Variants in C4BPA observed in about 807,000 individuals in gnomAD.
The protein encoded by C4BPA is complement component 4 binding protein alpha.
In C4BPA, 31 loss-of-function variants were observed where a neutral mutation model predicts 63.7. That is an observed-to-expected ratio of 0.49 (90% CI 0.37 to 0.66). The LOEUF is 0.66. C4BPA is among the 30% of genes least tolerant of loss of function. C4BPA has a pLI of 0.00. For synonymous variants in C4BPA, 259 were observed against 254.7 expected (o/e 1.02, Z -0.16); for missense variants, 572 against 723.3 (o/e 0.79, Z 2.40).
intron 1 of C4BPA, among the ~76,000 whole-genome samples, chr1:207,106,903 TG>T (rs1157205645): frequency 2.6e-5 from 4 of 152,176 alleles, no homozygotes; most frequent in African/African-American, 4.8e-5. Context: ...ACCTTGCAAA[TG>T]TTTTTTTTTA....
intron 9 of C4BPA, among the ~76,000 whole-genome samples, chr1:207,140,271 A>G (rs910012651): frequency 7.9e-5 from 12 of 152,164 alleles, no homozygotes; most frequent in African/African-American, 2.9e-4. Flanking sequence ...CCCATGTGGC[A>G]TAACTACCTG....
chr1:207,134,857 A>T (rs555565785), intron 9 of C4BPA, among the ~76,000 whole-genome samples: 9 of 152,302 alleles, frequency 5.9e-5, no homozygotes, highest in Non-Finnish European at 1.0e-4. Context: ...TCTTTGTATT[A>T]TTCTCTTTCT....
chr1:207,110,667 G>A lies in C4BPA; in HGVS notation c.-25-2334G>A, dbSNP rs186006806. Among the ~76,000 whole-genome samples, 18 of 152,198 alleles carry A rather than the reference G, an allele frequency of 1.2e-4. No individual in the cohort carries two copies. In the East Asian group the frequency reaches 2.9e-3, roughly 24 times the overall value. On this transcript the variant is annotated intron_variant, in intron 1 of 11. Transcript: ENST00000367070. ...GAAAAAGAAAAAGAAATCATTTTGA[G>A]TATTCAATGAGTATAAATATATCCT...
At chr1:207,134,279 C>A in intron 8 of C4BPA, 125 bp from the exon 9 acceptor site, 1 of 708,390 alleles carries the variant, frequency 1.4e-6, no homozygotes, top group Non-Finnish European at 2.4e-6. Context: ...TCTTGGGTCT[C>A]CCTTTCTGTT....
Position 207,114,155 on chromosome 1 carries a change from G to A in C4BPA, c.198G>A (p.Leu66=), listed in dbSNP as rs1240466902. The change falls in exon 3 of 12, where the codon TTG becomes TTA. Residue 66 remains leucine, a synonymous_variant. Transcript: ENST00000367070. ...LSFAAPMDIT[L]TETRFKTGTT... Reference sequence around the variant, plus strand: ...TTGCTGCCCCGATGGATATTACGTTGACTGAGACACGCTTCAAAACTGGAA... The same window carrying A: ...TTGCTGCCCCGATGGATATTACGTTAACTGAGACACGCTTCAAAACTGGAA... The A allele has an allele frequency of 1.9e-6, 3 of 1,613,586 alleles. No individual in the cohort carries two copies. The highest frequency in any genetic ancestry group is 2.5e-6 in the Non-Finnish European group (3 of 1,179,816).
intron 4 of C4BPA, among the ~76,000 whole-genome samples, chr1:207,120,106 T>G (rs538018815): frequency 6.6e-6 from 1 of 152,112 alleles, no homozygotes; most frequent in Non-Finnish European, 1.5e-5. Context: ...GCAGAAGCAA[T>G]CTAATTTTTC....
At chr1:207,133,798 A>G (rs1685218012) in intron 8 of C4BPA, among the ~76,000 whole-genome samples, 1 of 152,226 alleles carries the variant, frequency 6.6e-6, no homozygotes, top group Admixed American at 6.5e-5. Context: ...GCATCAAAAA[A>G]GAAAAATCCT....
intron 4 of C4BPA, among the ~76,000 whole-genome samples, chr1:207,122,656 C>T (rs2102339199): frequency 6.6e-6 from 1 of 152,296 alleles, no homozygotes; most frequent in Non-Finnish European, 1.5e-5. Context: ...TCACTGCAGC[C>T]TCAACTTCCT....
At chr1:207,132,420 C>T (rs748533064) in intron 8 of C4BPA, among the ~76,000 whole-genome samples, 28 of 152,170 alleles carry the variant, frequency 1.8e-4, no homozygotes, top group Non-Finnish European at 3.8e-4. Flanking sequence ...TCTATCAGAA[C>T]CTTGCCACTT....
chr1:207,113,778 T>C (rs1684720303), intron 2 of C4BPA, among the ~76,000 whole-genome samples: 1 of 152,172 alleles, frequency 6.6e-6, no homozygotes, highest in Non-Finnish European at 1.5e-5. Flanking sequence ...TCAGCAGATA[T>C]GGGGAGTCAG....
intron 1 of C4BPA, among the ~76,000 whole-genome samples, chr1:207,106,298 A>G (rs1171584355): frequency 6.6e-6 from 1 of 152,172 alleles, no homozygotes; most frequent in Admixed American, 6.5e-5. Context: ...TCTCTCTTCA[A>G]AACTGACAAA....
rs1236559982 is a variant in C4BPA, at chr1:207,143,407, T to C, written c.1445-411T>C. On this transcript the variant is annotated intron_variant, in intron 10 of 11. Coordinates refer to ENST00000367070, the MANE Select transcript of C4BPA (RefSeq NM_000715.4). ...GTAGATGATGGGTTGATGGGTGCAGTAAACCACCATGGCACATGCATACCT... is the reference window on the plus strand; with the variant it reads ...GTAGATGATGGGTTGATGGGTGCAGCAAACCACCATGGCACATGCATACCT... Among the ~76,000 whole-genome samples the C allele has an allele frequency of 3.3e-5, 5 of 152,082 alleles. 1 individual carries two copies. The highest frequency in any genetic ancestry group is 1.3e-4 in the Admixed American group (2 of 15,274).
At chr1:207,134,682 A>C in intron 9 of C4BPA, 90 bp downstream of exon 9, 1 of 854,848 alleles carries the variant, frequency 1.2e-6, no homozygotes, top group Non-Finnish European at 1.8e-6. Context: ...TTAGGTAAAA[A>C]AATTCATATA....
At chr1:207,141,738 C>T (rs1451547625) in intron 10 of C4BPA, among the ~76,000 whole-genome samples, 1 of 151,934 alleles carries the variant, frequency 6.6e-6, no homozygotes, top group Non-Finnish European at 1.5e-5. Context: ...TGTGAGGGGT[C>T]AGGGAGGGTG....
chr1:207,141,336 G>A, intron 10 of C4BPA, 60 bp downstream of exon 10: 1 of 1,339,470 alleles, frequency 7.5e-7, no homozygotes, highest in Non-Finnish European at 1.0e-6. Context: ...TGAGAGCACT[G>A]AGAGCTAAGT....
intron 4 of C4BPA, among the ~76,000 whole-genome samples, chr1:207,119,017 G>GGAATTCATTCCAGTTTAC (rs1251641887): frequency 8.7e-5 from 10 of 115,476 alleles, no homozygotes; most frequent in Admixed American, 2.8e-4. Context: ...GACATGAACT[G>GGAATTCATTCCAGTTTAC]AGTGCTTCAA....
chr1:207,139,006 A>G (rs938122806), intron 9 of C4BPA, among the ~76,000 whole-genome samples: 3 of 152,180 alleles, frequency 2.0e-5, no homozygotes, highest in Non-Finnish European at 4.4e-5. Flanking sequence ...TATTGGATCA[A>G]TGTCATGTTC....
At chr1:207,108,354 G>A (rs1431580054) in intron 1 of C4BPA, among the ~76,000 whole-genome samples, 1 of 126,406 alleles carries the variant, frequency 7.9e-6, no homozygotes, top group African/African-American at 5.2e-5. Context: ...ACTTTTCTGA[G>A]GTTAAAATTA....
chr1:207,134,071 C>T (rs1685225510), intron 8 of C4BPA, among the ~76,000 whole-genome samples: 1 of 152,120 alleles, frequency 6.6e-6, no homozygotes, highest in Admixed American at 6.5e-5. Context: ...TGGTCTCAAA[C>T]TCCTGGGCTC....
Sources: allele counts gnomAD v4.1 joint callset (sites outside exome capture counted in the v4.1 genomes callset), GRCh38; gene constraint gnomAD v4.1.1; transcripts MANE v1.5; gene names NCBI Gene and HGNC (gene_info 2026-07-23, HGNC 2026-07-21).